The following SLIT3 variants were observed in gnomAD, a reference collection of about 807,000 sequenced individuals.
SLIT3 encodes slit homolog 3 protein.
SLIT3 carries 68 observed loss-of-function variants against 184.0 expected under a neutral mutation model. The observed-to-expected ratio is 0.37, with a 90% confidence interval of 0.30 to 0.45. The LOEUF (loss-of-function observed/expected upper bound fraction) is 0.45. Among genes scored for constraint, SLIT3 ranks in the 20% least tolerant of loss-of-function variants. The probability of loss-of-function intolerance (pLI) is 1.00; values close to 1 mark genes in which losing one functional copy is unlikely to be tolerated. For synonymous variants in SLIT3, 831 were observed against 828.6 expected (o/e 1.00, Z -0.05); for missense variants, 1,707 against 2,026.0 (o/e 0.84, Z 3.02).
In SLIT3 at chr5:169,111,921, C is replaced by G. The variant is rs534004424; in HGVS notation, c.413+81558G>C. ...TGGGGGTGTCCTCTGCATCTTGGGTCTTCCCTATGTCTAGTTTAGAGTAGA... is the reference window on the plus strand; with the variant it reads ...TGGGGGTGTCCTCTGCATCTTGGGTGTTCCCTATGTCTAGTTTAGAGTAGA... On this transcript the variant is annotated intron_variant, in intron 4 of 35. Transcript: ENST00000519560. Among the ~76,000 whole-genome samples the G allele has an allele frequency of 2.6e-5, 4 of 152,250 alleles. No individual in the cohort carries two copies. The East Asian group carries it at 7.7e-4, about 29-fold the overall frequency.
At chr5:169,257,598 G>A (rs571494321) in intron 1 of SLIT3, among the ~76,000 whole-genome samples, 1 of 124,874 alleles carries the variant, frequency 8.0e-6, no homozygotes, top group African/African-American at 3.2e-5. Context: ...CCGGGCTGGA[G>A]TGCAGTGGCA....
intron 13 of SLIT3, among the ~76,000 whole-genome samples, chr5:168,773,179 G>A (rs2113538138): frequency 6.6e-6 from 1 of 152,210 alleles, no homozygotes; most frequent in Middle Eastern, 3.4e-3. Flanking sequence ...TGGGGAATCG[G>A]TCTCCCAGCT....
intron 4 of SLIT3, among the ~76,000 whole-genome samples, chr5:169,011,370 T>C (rs1034251486): frequency 6.6e-6 from 1 of 152,224 alleles, no homozygotes; most frequent in Non-Finnish European, 1.5e-5. Context: ...TTGTGGCTTC[T>C]AGGCAAAATT....
At chr5:169,024,534 C>T (rs1756740301) in intron 4 of SLIT3, 1 of 152,188 alleles carries the variant, frequency 6.6e-6, no homozygotes, top group Admixed American at 6.5e-5. Context: ...TTGACTCGGC[C>T]ATGAACCTAC....
chr5:168,890,841 C>G (rs1167141346), intron 4 of SLIT3, among the ~76,000 whole-genome samples: 1 of 152,182 alleles, frequency 6.6e-6, no homozygotes, highest in Non-Finnish European at 1.5e-5. Context: ...TGGGGTCCAT[C>G]CCAAACCTAC....
chr5:168,744,420 C>CACATTAAACA (rs1763735231), intron 20 of SLIT3, among the ~76,000 whole-genome samples: 1 of 152,116 alleles, frequency 6.6e-6, no homozygotes, highest in African/African-American at 2.4e-5. Flanking sequence ...TGAAGGTGGC[C>CACATTAAACA]ACATTAAACA....
intron 4 of SLIT3, among the ~76,000 whole-genome samples, chr5:169,036,874 G>A (rs1180969263): frequency 6.6e-6 from 1 of 152,138 alleles, no homozygotes; most frequent in East Asian, 1.9e-4. Context: ...CAAAGCGCTG[G>A]TTTCTCATTA....
intron 4 of SLIT3, among the ~76,000 whole-genome samples, chr5:168,993,359 A>T (rs1755397502): frequency 6.6e-6 from 1 of 152,174 alleles, no homozygotes; most frequent in African/African-American, 2.4e-5. Context: ...GGCCATGCCC[A>T]TGGCACCCCG....
At chr5:168,701,495 G>A (rs1762211434) in intron 26 of SLIT3, among the ~76,000 whole-genome samples, 1 of 152,230 alleles carries the variant, frequency 6.6e-6, no homozygotes, top group Non-Finnish European at 1.5e-5. Flanking sequence ...CTGAGAAGGA[G>A]CCAACTGTGT....
intron 3 of SLIT3, among the ~76,000 whole-genome samples, chr5:169,239,294 AT>A (rs1223752286): frequency 3.3e-5 from 5 of 151,970 alleles, no homozygotes; most frequent in Admixed American, 2.0e-4. Context: ...ATTGGTTTAT[AT>A]TTTTTTCTTG....
intron 9 of SLIT3, among the ~76,000 whole-genome samples, chr5:168,805,140 T>C (rs1756911585): frequency 6.6e-6 from 1 of 152,258 alleles, no homozygotes; most frequent in Admixed American, 6.5e-5. Flanking sequence ...GCAAGTGTCA[T>C]ACAGGCAGAA....
At chr5:169,047,530 TCTGGAGACCTAGATGGAACCTACCCTTC>T (rs1757667782) in intron 4 of SLIT3, among the ~76,000 whole-genome samples, 3 of 150,640 alleles carry the variant, frequency 2.0e-5, no homozygotes, top group African/African-American at 7.4e-5. Context: ...TACCCTTCCA[TCTGGAGACCTAGATGGAACCTACCCTTC>T]CATCTGGAGA....
At chr5:169,247,505 C>A (rs1765632988) in intron 2 of SLIT3, among the ~76,000 whole-genome samples, 2 of 152,152 alleles carry the variant, frequency 1.3e-5, no homozygotes, top group Non-Finnish European at 2.9e-5. Flanking sequence ...CCTAACCCAG[C>A]CCTTCTATAA....
chr5:168,903,020 G>A (rs969332761), intron 4 of SLIT3, among the ~76,000 whole-genome samples: 7 of 152,186 alleles, frequency 4.6e-5, no homozygotes, highest in African/African-American at 1.7e-4. Flanking sequence ...AGGAGAGAGT[G>A]TAGTTCTTCA....
rs1229604928 is a variant in SLIT3 at position 168,713,478 on chromosome 5, AAATT to A, written c.2484-1128_2484-1125del. Among the ~76,000 whole-genome samples, 23 of 152,372 alleles carry A rather than the reference AAATT, an allele frequency of 1.5e-4. 1 individual carries two copies. Among genetic ancestry groups the A allele is most frequent in the Admixed American group, 1.5e-3 (23 of 15,310 alleles). ...TCATCAACTGCATAAAAAAATCTGC[AAATT>A]AATAGAAACTCAAAGGCTTCTTTAG... is the stretch of plus-strand genomic sequence containing the variant. On this transcript the variant is annotated intron_variant, in intron 23 of 35. Coordinates refer to ENST00000519560, the MANE Select transcript of SLIT3 (RefSeq NM_003062.4).
chr5:168,966,768 T>C (rs531847170), intron 4 of SLIT3, among the ~76,000 whole-genome samples: 25 of 152,306 alleles, frequency 1.6e-4, no homozygotes, highest in African/African-American at 5.8e-4. Context: ...TTCCAGCCTC[T>C]CCAACTTTAA....
chr5:168,816,697 TATA>T (rs1757343364), intron 8 of SLIT3, among the ~76,000 whole-genome samples: 1 of 152,270 alleles, frequency 6.6e-6, no homozygotes, highest in Non-Finnish European at 1.5e-5. Context: ...CCCACTAAAC[TATA>T]ATAATTAAGC....
chr5:168,934,744 A>G (rs961322214), intron 4 of SLIT3, among the ~76,000 whole-genome samples: 12 of 152,190 alleles, frequency 7.9e-5, no homozygotes, highest in Non-Finnish European at 5.9e-5. Context: ...AATTAGAACA[A>G]CAACAATACT....
intron 4 of SLIT3, among the ~76,000 whole-genome samples, chr5:168,906,497 T>C (rs779694155): frequency 6.6e-6 from 1 of 152,212 alleles, no homozygotes; most frequent in East Asian, 1.9e-4. Flanking sequence ...TTAAAATACC[T>C]GCATCCATTA....
Sources: gnomAD v4.1 joint callset for allele counts (sites outside exome capture counted in the v4.1 genomes callset) on GRCh38, gnomAD v4.1.1 for gene constraint, MANE v1.5 for transcripts, NCBI Gene and HGNC (gene_info 2026-07-23, HGNC 2026-07-21) for gene names.